Variants in CCDC158 observed in about 807,000 individuals in gnomAD.
The protein encoded by CCDC158 is coiled-coil domain containing 158.
In CCDC158, 116 loss-of-function variants were observed where a neutral mutation model predicts 138.6. That is an observed-to-expected ratio of 0.84 (90% CI 0.72 to 0.98). The LOEUF (loss-of-function observed/expected upper bound fraction) is 0.98, where lower values mean the gene tolerates loss of function less well. Ranked by LOEUF, CCDC158 falls within the 50% of genes least tolerant of loss-of-function variation. The probability of loss-of-function intolerance (pLI) is 0.00; values close to 1 mark genes in which losing one functional copy is unlikely to be tolerated. For synonymous variants in CCDC158, 436 were observed against 442.4 expected, an observed-to-expected ratio of 0.99 and a Z score of 0.18; for missense variants, 1,265 against 1,306.1, an observed-to-expected ratio of 0.97 and a Z score of 0.48.
intron 18 of CCDC158, among the ~76,000 whole-genome samples, chr4:76,342,901 A>G (rs1459921113): frequency 6.6e-6 from 1 of 152,212 alleles, no homozygotes; most frequent in Non-Finnish European, 1.5e-5. Flanking sequence ...AGTCCAGGGT[A>G]AGAAACAGGG....
chr4:76,339,266 T>C (rs765106544), intron 18 of CCDC158, among the ~76,000 whole-genome samples: 1 of 152,012 alleles, frequency 6.6e-6, no homozygotes, highest in Non-Finnish European at 1.5e-5. Context: ...CTAACTGTAT[T>C]GAGAAAGTGA....
At position 76,326,142 on chromosome 4, in the gene CCDC158, T is replaced by G. The variant is rs930610164; in HGVS notation, c.3011-127A>C. ...GTGGAGGGACAGGGGGACATTCTTCTAAATACCCAAGATTTGGGGTTGGAA... is the reference window on the plus strand; with the variant it reads ...GTGGAGGGACAGGGGGACATTCTTCGAAATACCCAAGATTTGGGGTTGGAA... On this transcript the variant is annotated intron_variant, in intron 22 of 24. Transcript: ENST00000682701. The G allele has an allele frequency of 8.2e-6, 6 of 730,684 alleles. No homozygotes were observed. In the Admixed American group the frequency reaches 1.1e-4, roughly 14 times the overall value. The allele number at this position is 730,684 out of a possible 1,614,324, so 45.3% of individuals were successfully genotyped here.
chr4:76,322,270 G>C (rs943092920), intron 24 of CCDC158, among the ~76,000 whole-genome samples: 1 of 152,132 alleles, frequency 6.6e-6, no homozygotes. Context: ...ACAACAATTT[G>C]CTAAAGCCTT....
intron 18 of CCDC158, among the ~76,000 whole-genome samples, chr4:76,347,343 A>G (rs1280998313): frequency 1.3e-5 from 2 of 151,750 alleles, no homozygotes; most frequent in African/African-American, 2.4e-5. Context: ...ATCCAGGCAC[A>G]TGGCACATAC....
At chr4:76,390,548 A>G (rs571135704) in intron 4 of CCDC158, among the ~76,000 whole-genome samples, 2 of 152,188 alleles carry the variant, frequency 1.3e-5, no homozygotes, top group East Asian at 3.9e-4. Flanking sequence ...GGAGGAATAC[A>G]GGAAGGAAAA....
intron 8 of CCDC158, among the ~76,000 whole-genome samples, chr4:76,381,590 G>T (rs111940803): frequency 6.6e-6 from 1 of 152,172 alleles, no homozygotes; most frequent in Non-Finnish European, 1.5e-5. Flanking sequence ...TAGGTGGAAC[G>T]GACTTATTTT....
chr4:76,330,901 G>C (rs1720948326), intron 21 of CCDC158, among the ~76,000 whole-genome samples: 1 of 152,126 alleles, frequency 6.6e-6, no homozygotes, highest in Non-Finnish European at 1.5e-5. Flanking sequence ...ACTGTATTTT[G>C]ATCAGGCAGC....
Position 76,382,661 on chromosome 4 carries a change from C to T in CCDC158, c.863G>A (p.Ser288Asn), listed in dbSNP as rs752799092. Reference protein sequence around the residue: ...VEITGLTEKASSARSQANSIQ... With the variant: ...VEITGLTEKANSARSQANSIQ... Reference sequence around the variant, plus strand: ...ACTATTGGCTTGGCTTCGAGCACTGCTAGCTTTCTCAGTAAGTCCTGTTAT... The same window carrying T: ...ACTATTGGCTTGGCTTCGAGCACTGTTAGCTTTCTCAGTAAGTCCTGTTAT... The change falls in exon 8 of 25, where the codon AGC (serine) becomes AAC (asparagine). Residue 288 changes from serine (S) to asparagine (N), a missense_variant. Coordinates refer to ENST00000682701, the MANE Select transcript of CCDC158 (RefSeq NM_001394954.1). 11 of 1,613,580 alleles carry T rather than the reference C, an allele frequency of 6.8e-6. No homozygotes were observed. Among genetic ancestry groups the T allele is most frequent in the Non-Finnish European group, 9.3e-6 (11 of 1,179,776 alleles).
Position 76,321,026 on chromosome 4 carries a change from A to G in CCDC158, c.3277+2276T>C, listed in dbSNP as rs1006349355. On this transcript the variant is annotated intron_variant, in intron 24 of 24. Coordinates refer to ENST00000682701, the MANE Select transcript of CCDC158 (RefSeq NM_001394954.1). ...CAAACTGTGCATCTGACAAAGGACT[A>G]ATATCCAGAATCTACAAGGAACTCA... is the stretch of plus-strand genomic sequence containing the variant. Among the ~76,000 whole-genome samples, 3 of 152,310 alleles carry G rather than the reference A, an allele frequency of 2.0e-5. No homozygotes were observed. In the South Asian group the frequency reaches 6.2e-4, roughly 32 times the overall value.
intron 24 of CCDC158, among the ~76,000 whole-genome samples, chr4:76,314,020 T>C (rs1719139246): frequency 6.6e-6 from 1 of 152,216 alleles, no homozygotes; most frequent in South Asian, 2.1e-4. Flanking sequence ...CTATAATAAA[T>C]ACTTTTGTAT....
At chr4:76,407,441 C>T (rs534359080) in intron 2 of CCDC158, 3 of 150,824 alleles carry the variant, frequency 2.0e-5, no homozygotes, top group African/African-American at 4.9e-5. Flanking sequence ...AAAAAAAAAC[C>T]TTGCCTATTG....
intron 9 of CCDC158, chr4:76,375,424 C>T: frequency 1.9e-6 from 1 of 535,260 alleles, no homozygotes; most frequent in South Asian, 2.8e-5. Flanking sequence ...ATAAGGGATG[C>T]TACAGGCCAG....
chr4:76,394,448 G>T (rs1012915983), intron 4 of CCDC158, among the ~76,000 whole-genome samples: 1 of 152,088 alleles, frequency 6.6e-6, no homozygotes, highest in East Asian at 1.9e-4. Flanking sequence ...AACTCATGGA[G>T]ATAGAGAGTA....
intron 12 of CCDC158, among the ~76,000 whole-genome samples, chr4:76,365,731 C>T (rs1181185918): frequency 6.6e-6 from 1 of 152,180 alleles, no homozygotes; most frequent in East Asian, 1.9e-4. Flanking sequence ...TGGATGCTCT[C>T]AGGACCAGCA....
chr4:76,371,283 T>C (rs1328086914), intron 10 of CCDC158, 134 bp downstream of exon 10: 1 of 854,332 alleles, frequency 1.2e-6, no homozygotes, highest in African/African-American at 1.7e-5. Flanking sequence ...GAATTGTGTC[T>C]AAAATAATCT....
intron 16 of CCDC158, 37 bp downstream of exon 16, chr4:76,353,086 A>C: frequency 6.6e-7 from 1 of 1,516,288 alleles, no homozygotes; most frequent in Non-Finnish European, 9.1e-7. Flanking sequence ...ATAACTATTT[A>C]GTTGATAATT....
At chr4:76,336,772 G>T (rs962714374) in intron 18 of CCDC158, among the ~76,000 whole-genome samples, 1 of 152,134 alleles carries the variant, frequency 6.6e-6, no homozygotes, top group Non-Finnish European at 1.5e-5. Flanking sequence ...ATGTTCTCAG[G>T]AAAATTCTGA....
chr4:76,378,688 A>C (rs533201515), intron 9 of CCDC158, among the ~76,000 whole-genome samples: 3 of 152,174 alleles, frequency 2.0e-5, no homozygotes, highest in Non-Finnish European at 4.4e-5. Context: ...AATGGTTGAA[A>C]TGAACAAAAG....
Position 76,372,276 on chromosome 4 carries a change from A to G in CCDC158, c.1030-740T>C, listed in dbSNP as rs188144036. Among the ~76,000 whole-genome samples, 554 of 152,172 alleles carry G rather than the reference A, an allele frequency of 3.6e-3. 3 individuals are homozygous for G. The highest frequency in any genetic ancestry group is 0.012 in the African/African-American group (485 of 41,514). Reference sequence around the variant, plus strand: ...CAACACAGGGAGACCCCATCACTACAAAAAATATTTTTTTAAAGGTTAGCT... The same window carrying G: ...CAACACAGGGAGACCCCATCACTACGAAAAATATTTTTTTAAAGGTTAGCT... On this transcript the variant is annotated intron_variant, in intron 9 of 24. Transcript: ENST00000682701.
Sources: gnomAD v4.1 joint callset for allele counts (sites outside exome capture counted in the v4.1 genomes callset) on GRCh38, gnomAD v4.1.1 for gene constraint, MANE v1.5 for transcripts, NCBI Gene and HGNC (gene_info 2026-07-23, HGNC 2026-07-21) for gene names.